The following SNX18 variants were observed in gnomAD, a reference collection of about 807,000 sequenced individuals.
SNX18 encodes the protein sorting nexin 18, also known as sorting nexin-18.
In SNX18, 35 loss-of-function variants were observed where a neutral mutation model predicts 48.7. The observed-to-expected ratio is 0.72, with a 90% CI of 0.55 to 0.95. SNX18 has a LOEUF of 0.95. Among genes scored for constraint, SNX18 ranks in the 40% least tolerant of loss-of-function variants. SNX18 has a pLI of 0.00. For synonymous variants in SNX18, 492 were observed against 384.7 expected (o/e 1.28, Z -3.26); for missense variants, 824 against 871.0 (o/e 0.95, Z 0.68).
chr5:54,591,148 C>T, the SNX18 span, among the ~76,000 whole-genome samples: 2 of 138,280 alleles, frequency 1.4e-5, no homozygotes, highest in African/African-American at 2.7e-5. Context: ...TTGACCCAGA[C>T]CTTGCTTTTT....
chr5:54,591,856 C>T, the SNX18 span, among the ~76,000 whole-genome samples: 1 of 152,152 alleles, frequency 6.6e-6, no homozygotes, highest in Non-Finnish European at 1.5e-5. Flanking sequence ...ACCCTGACCC[C>T]CAATGAGCTT....
chr5:54,569,736 A>G, the SNX18 span, among the ~76,000 whole-genome samples: 1 of 152,304 alleles, frequency 6.6e-6, no homozygotes, highest in East Asian at 1.9e-4. Flanking sequence ...TGGTGGCTCA[A>G]GGCTCTAAGA....
intron 1 of SNX18, among the ~76,000 whole-genome samples, chr5:54,535,615 G>A (rs1346324705): frequency 6.6e-6 from 1 of 152,118 alleles, no homozygotes; most frequent in East Asian, 1.9e-4. Context: ...TCCTGAATGA[G>A]GATGCCCTGC....
chr5:54,569,443 AT>A, the SNX18 span, among the ~76,000 whole-genome samples: 1 of 152,178 alleles, frequency 6.6e-6, no homozygotes, highest in Non-Finnish European at 1.5e-5. Flanking sequence ...ATTATATCAC[AT>A]GAATTTTGTG....
chr5:54,553,794 G>A, the SNX18 span, among the ~76,000 whole-genome samples: 3 of 152,162 alleles, frequency 2.0e-5, no homozygotes, highest in African/African-American at 4.8e-5. Context: ...AATTACATCT[G>A]CCTGGTTCCC....
In SNX18 at chr5:54,544,635, G is replaced by GT. The variant is rs1762541286; in HGVS notation, c.*1203_*1204insT. ...TTAAAAAAAAAAAAGGTATTGATGA[G>GT]CCCCCCCCCCCCAGGACATTTAACC... On this transcript the variant is annotated 3_prime_UTR_variant, in exon 2 of 2. Transcript: ENST00000381410. 1 of 87,362 alleles carries GT rather than the reference G, an allele frequency of 1.1e-5. No individual in the cohort carries two copies. The highest frequency in any genetic ancestry group is 3.9e-5 in the African/African-American group (1 of 25,326). The allele number at this position is 87,362 out of a possible 1,614,324, so 5.4% of individuals were successfully genotyped here.
At chr5:54,572,560 C>T in the SNX18 span, among the ~76,000 whole-genome samples, 23 of 151,754 alleles carry the variant, frequency 1.5e-4, no homozygotes, top group Non-Finnish European at 2.5e-4. Flanking sequence ...CCTGCAGCCT[C>T]GGGCATAGCT....
the SNX18 span, among the ~76,000 whole-genome samples, chr5:54,599,822 T>C: frequency 3.3e-5 from 5 of 152,138 alleles, no homozygotes; most frequent in Non-Finnish European, 7.3e-5. Flanking sequence ...TCACACCTTA[T>C]ACAAAAATTA....
chr5:54,620,693 C>T, the SNX18 span, among the ~76,000 whole-genome samples: 3 of 152,116 alleles, frequency 2.0e-5, no homozygotes, highest in Non-Finnish European at 4.4e-5. Flanking sequence ...GCAGAGTAGC[C>T]ATAACAAAAT....
the SNX18 span, among the ~76,000 whole-genome samples, chr5:54,581,976 C>A: frequency 6.6e-6 from 1 of 152,318 alleles, no homozygotes; most frequent in East Asian, 1.9e-4. Context: ...GGGGGATTCA[C>A]TTCAGCCCTT....
chr5:54,578,954 A>G, the SNX18 span, among the ~76,000 whole-genome samples: 14 of 152,160 alleles, frequency 9.2e-5, no homozygotes, highest in Admixed American at 4.6e-4. Context: ...TTACACCTAC[A>G]CTTATTGGAT....
the SNX18 span, among the ~76,000 whole-genome samples, chr5:54,620,753 G>A: frequency 2.6e-5 from 4 of 152,318 alleles, no homozygotes; most frequent in Non-Finnish European, 5.9e-5. Context: ...AGCTCTGGAA[G>A]CTGGAAGTCC....
At chr5:54,584,889 A>G in the SNX18 span, among the ~76,000 whole-genome samples, 3 of 152,184 alleles carry the variant, frequency 2.0e-5, no homozygotes, top group South Asian at 6.2e-4. Context: ...CCTAGACTGA[A>G]TCTCCTGGAC....
chr5:54,599,385 T>C, the SNX18 span, among the ~76,000 whole-genome samples: 1 of 152,190 alleles, frequency 6.6e-6, no homozygotes, highest in African/African-American at 2.4e-5. Flanking sequence ...AGAATCCATA[T>C]CATGAAAACG....
chr5:54,627,889 G>A, the SNX18 span, among the ~76,000 whole-genome samples: 2 of 152,184 alleles, frequency 1.3e-5, no homozygotes, highest in Non-Finnish European at 2.9e-5. Context: ...TTGGCTATTT[G>A]GCAAAGACTT....
At chr5:54,564,925 G>A in the SNX18 span, among the ~76,000 whole-genome samples, 1 of 152,186 alleles carries the variant, frequency 6.6e-6, no homozygotes, top group African/African-American at 2.4e-5. Flanking sequence ...AATTCATGTG[G>A]GAGGGTCTAG....
chr5:54,521,439 C>T (rs1182998557), intron 1 of SNX18, among the ~76,000 whole-genome samples: 3 of 152,198 alleles, frequency 2.0e-5, no homozygotes, highest in African/African-American at 7.2e-5. Context: ...AGGGTCACGC[C>T]TGTAATCCCA....
the SNX18 span, among the ~76,000 whole-genome samples, chr5:54,623,742 T>C: frequency 6.6e-6 from 1 of 152,156 alleles, no homozygotes; most frequent in Non-Finnish European, 1.5e-5. Context: ...GCTAGATAAA[T>C]ACTGTCCTAT....
chr5:54,544,448 C>T lies in SNX18; in HGVS notation c.*1016C>T, dbSNP rs2111617044. On this transcript the variant is annotated 3_prime_UTR_variant, in exon 2 of 2. Coordinates refer to ENST00000381410, the MANE Select transcript of SNX18 (RefSeq NM_001102575.2). ...CTACACTGTTAACTGATTGAGACTC[C>T]ACTGTGATTCACTTGTTTACTTAAA... The T allele has an allele frequency of 6.6e-6, 1 of 151,762 alleles. No individual in the cohort carries two copies. Among genetic ancestry groups the T allele is most frequent in the South Asian group, 2.1e-4 (1 of 4,786 alleles). The allele number at this position is 151,762 out of a possible 1,614,324, so 9.4% of individuals were successfully genotyped here.
Sources: allele counts gnomAD v4.1 joint callset (sites outside exome capture counted in the v4.1 genomes callset), GRCh38; gene constraint gnomAD v4.1.1; transcripts MANE v1.5; gene names NCBI Gene and HGNC (gene_info 2026-07-23, HGNC 2026-07-21).